GATAD2A: variants seen among roughly 807,000 people sequenced by gnomAD.
GATAD2A encodes the protein GATA zinc finger domain containing 2A.
In GATAD2A, 12 loss-of-function variants were observed where a neutral mutation model predicts 68.5. The ratio of observed to expected loss-of-function variants is 0.18; its 90% confidence interval spans 0.11 to 0.28. GATAD2A has a LOEUF of 0.28. Ranked by LOEUF, GATAD2A falls within the 10% of genes least tolerant of loss-of-function variation. GATAD2A has a pLI of 1.00. For missense variants in GATAD2A, 755 were observed against 868.5 expected, an observed-to-expected ratio of 0.87 and a Z score of 1.64; for synonymous variants, 410 against 375.3, an observed-to-expected ratio of 1.09 and a Z score of -1.07.
intron 2 of GATAD2A, among the ~76,000 whole-genome samples, chr19:19,484,824 C>T (rs896963262): frequency 6.6e-6 from 1 of 152,172 alleles, no homozygotes; most frequent in African/African-American, 2.4e-5. Context: ...TGAGCCACCG[C>T]GCCCAGCCTG....
intron 2 of GATAD2A, among the ~76,000 whole-genome samples, chr19:19,484,536 T>TTC (rs1568326515): frequency 2.1e-4 from 29 of 141,092 alleles, no homozygotes; most frequent in Non-Finnish European, 2.0e-4. Context: ...TTTTTTCTTT[T>TTC]TTTTTTTTTT....
At chr19:19,405,098 C>T (rs1241134742), upstream of GATAD2A, among the ~76,000 whole-genome samples, 1 of 152,038 alleles carries the variant, frequency 6.6e-6, no homozygotes, top group Admixed American at 6.6e-5. Context: ...CCCTGAGGCA[C>T]GAGGGCAGAT....
intron 2 of GATAD2A, among the ~76,000 whole-genome samples, chr19:19,474,612 C>A (rs1346966415): frequency 6.6e-6 from 1 of 152,196 alleles, no homozygotes; most frequent in Non-Finnish European, 1.5e-5. Flanking sequence ...TGTGCAGCCT[C>A]CAATTTGGGC....
chr19:19,397,181 G>A (rs1410088638), intron 1 of GATAD2A, among the ~76,000 whole-genome samples: 2 of 152,190 alleles, frequency 1.3e-5, no homozygotes, highest in East Asian at 3.8e-4. Context: ...TGCTTCCAAA[G>A]GTAGAAAGTT....
rs142889735 is a variant in GATAD2A, at chr19:19,387,437, A to G, written c.-7+1299A>G. On this transcript the variant is annotated intron_variant, in intron 1 of 11. Transcript: ENST00000360315. Reference sequence around the variant, plus strand: ...TGGGTTCAAGCGACTCTTCTGCCTCAGCTTCCTGAGTAGCTGGGACTACAG... The same window carrying G: ...TGGGTTCAAGCGACTCTTCTGCCTCGGCTTCCTGAGTAGCTGGGACTACAG... Among the ~76,000 whole-genome samples, 17 of 151,636 alleles carry G rather than the reference A, an allele frequency of 1.1e-4. No individual in the cohort carries two copies. The East Asian group carries it at 2.5e-3, about 23-fold the overall frequency.
intron 7 of GATAD2A, among the ~76,000 whole-genome samples, chr19:19,496,531 G>A (rs2060160916): frequency 6.6e-6 from 1 of 152,246 alleles, no homozygotes; most frequent in African/African-American, 2.4e-5. Context: ...AACAGCATGT[G>A]GCACACAGCA....
At chr19:19,407,739 G>A (rs74896930) in intron 1 of GATAD2A, among the ~76,000 whole-genome samples, 6 of 152,340 alleles carry the variant, frequency 3.9e-5, no homozygotes, top group Non-Finnish European at 7.3e-5. Flanking sequence ...TTAAGGAACT[G>A]AACTACAGAG....
chr19:19,501,511 C>G, intron 9 of GATAD2A, 95 bp downstream of exon 9: 1 of 973,048 alleles, frequency 1.0e-6, no homozygotes, highest in Non-Finnish European at 1.5e-6. Context: ...TGATTGTTAA[C>G]TGCACGTCTA....
At chr19:19,389,178 A>G (rs537043449) in intron 1 of GATAD2A, among the ~76,000 whole-genome samples, 1 of 152,064 alleles carries the variant, frequency 6.6e-6, no homozygotes, top group African/African-American at 2.4e-5. Context: ...GAATGCTGGC[A>G]TTGAGAGATG....
chr19:19,495,724 T>C (rs1316746078), intron 5 of GATAD2A, 30 bp from the exon 6 acceptor site: 2 of 1,584,454 alleles, frequency 1.3e-6, no homozygotes, highest in African/African-American at 1.4e-5. Flanking sequence ...GTCCGGTCCA[T>C]GTAAATCTGG....
chr19:19,440,380 T>C (rs1425158243), intron 1 of GATAD2A: 2 of 198,262 alleles, frequency 1.0e-5, no homozygotes, highest in South Asian at 7.2e-5. Flanking sequence ...ATGCCATTCT[T>C]CTGCCTCAGC....
intron 1 of GATAD2A, among the ~76,000 whole-genome samples, chr19:19,396,471 T>A (rs2049247564): frequency 6.6e-6 from 1 of 152,170 alleles, no homozygotes; most frequent in Non-Finnish European, 1.5e-5. Context: ...AAGTTCCTAG[T>A]TTGGTTGATT....
chr19:19,394,108 G>A (rs2049046386), intron 1 of GATAD2A, among the ~76,000 whole-genome samples: 1 of 151,826 alleles, frequency 6.6e-6, no homozygotes, highest in Non-Finnish European at 1.5e-5. Flanking sequence ...GGGTGGTCTC[G>A]AACTCCTGAG....
chr19:19,465,056 A>G (rs2057758716), intron 1 of GATAD2A: 2 of 521,058 alleles, frequency 3.8e-6, no homozygotes, highest in African/African-American at 3.8e-5. Context: ...GCTCCTGTTC[A>G]GCACCCTGCT....
In GATAD2A at chr19:19,498,502, C is replaced by T. The variant is rs781603093; in HGVS notation, c.984C>T (p.Pro328=). 23 of 1,613,764 alleles carry T rather than the reference C, an allele frequency of 1.4e-5. No homozygotes were observed. The East Asian group carries it at 4.7e-4, about 33-fold the overall frequency. The change falls in exon 8 of 12, where the codon CCC becomes CCT. Residue 328 remains proline (P), a synonymous_variant. Transcript: ENST00000683918. The part of the protein sequence containing the change: ...TATSAQANST[P]TSVASVVTSA... ...CCTCCGCTCAGGCCAACTCCACCCC[C>T]ACTAGTGTGGCCTCTGTGGTCACCT...
rs377028001 is a variant in GATAD2A, at chr19:19,501,436, G to A, written c.1503+20G>A. 2,124 of 1,558,660 alleles carry A rather than the reference G, an allele frequency of 1.4e-3. 44 individuals carry two copies. In the South Asian group the frequency reaches 0.023, roughly 17 times the overall value. The stretch of plus-strand genomic sequence containing the variant: ...AAGCAGGTGAGCCTGGCCTGCTGCC[G>A]GCAGTGCCGTCCCTAGGAGGCAGAG... On this transcript the variant is annotated intron_variant, in intron 9 of 11. Transcript: ENST00000683918.
At chr19:19,418,287 G>T (rs181652126) in intron 1 of GATAD2A, among the ~76,000 whole-genome samples, 1 of 152,328 alleles carries the variant, frequency 6.6e-6, no homozygotes, top group African/African-American at 2.4e-5. Flanking sequence ...GCCAGCTCCA[G>T]GGGCAGGTGT....
chr19:19,438,626 A>G (rs991492138), intron 1 of GATAD2A, among the ~76,000 whole-genome samples: 3 of 152,188 alleles, frequency 2.0e-5, no homozygotes, highest in South Asian at 2.1e-4. Flanking sequence ...GAATAAATGA[A>G]TGGAGGAAAC....
chr19:19,422,354 A>T (rs1600082902), intron 1 of GATAD2A, among the ~76,000 whole-genome samples: 1 of 151,994 alleles, frequency 6.6e-6, no homozygotes, highest in East Asian at 1.9e-4. Context: ...GCCAGCCCCC[A>T]CCAGCACAGT....
Sources: allele counts gnomAD v4.1 joint callset (sites outside exome capture counted in the v4.1 genomes callset), GRCh38; gene constraint gnomAD v4.1.1; transcripts MANE v1.5; gene names NCBI Gene and HGNC (gene_info 2026-07-23, HGNC 2026-07-21).